Variants in THSD4 observed in about 807,000 individuals in gnomAD.
The protein encoded by THSD4 is thrombospondin type 1 domain containing 4.
THSD4 carries 69 observed loss-of-function variants against 119.0 expected under a neutral mutation model. That is an observed-to-expected ratio of 0.58 (90% CI 0.48 to 0.71). The LOEUF is 0.71. Ranked by LOEUF, THSD4 falls within the 30% of genes least tolerant of loss-of-function variation. THSD4 has a pLI of 0.00. For synonymous variants in THSD4, 524 were observed against 540.4 expected, an observed-to-expected ratio of 0.97 and a Z score of 0.42; for missense variants, 1,393 against 1,391.1, an observed-to-expected ratio of 1.00 and a Z score of -0.02.
At chr15:71,316,476 G>T (rs544600294) in intron 6 of THSD4, among the ~76,000 whole-genome samples, 9 of 152,294 alleles carry the variant, frequency 5.9e-5, no homozygotes, top group Non-Finnish European at 8.8e-5. Context: ...GGTAGGCCAA[G>T]CACAAGTCTA....
At chr15:71,752,116 A>G (rs1282205102) in intron 14 of THSD4, among the ~76,000 whole-genome samples, 2 of 151,990 alleles carry the variant, frequency 1.3e-5, no homozygotes, top group South Asian at 4.2e-4. Flanking sequence ...ATGTCTCTAC[A>G]TTTGCCACTC....
At chr15:71,345,441 C>T (rs527256389) in intron 6 of THSD4, among the ~76,000 whole-genome samples, 4 of 152,158 alleles carry the variant, frequency 2.6e-5, no homozygotes, top group South Asian at 4.2e-4. Context: ...GAGCTGGTGC[C>T]GTCTGAAAGC....
chr15:71,161,486 C>G (rs903104059), intron 3 of THSD4, among the ~76,000 whole-genome samples: 3 of 151,962 alleles, frequency 2.0e-5, no homozygotes, highest in African/African-American at 4.8e-5. Flanking sequence ...AGTGACCCCT[C>G]TTTCACTATA....
intron 3 of THSD4, among the ~76,000 whole-genome samples, chr15:71,180,166 A>AT (rs1332661590): frequency 7.5e-5 from 2 of 26,612 alleles, no homozygotes; most frequent in African/African-American, 8.7e-5. Flanking sequence ...TAAAAAAAAA[A>AT]AAAATAAAAA....
At chr15:71,518,388 A>AG in intron 7 of THSD4, among the ~76,000 whole-genome samples, 1 of 152,304 alleles carries the variant, frequency 6.6e-6, no homozygotes, top group South Asian at 2.1e-4. Flanking sequence ...TCTCAGACAA[A>AG]GGGAGGCATT....
chr15:71,628,288 G>A (rs1285237279), intron 7 of THSD4, among the ~76,000 whole-genome samples: 1 of 152,188 alleles, frequency 6.6e-6, no homozygotes, highest in Non-Finnish European at 1.5e-5. Flanking sequence ...AAAAAGGAAA[G>A]GCTGAGAATG....
chr15:71,592,309 G>T (rs1340300720), intron 7 of THSD4, among the ~76,000 whole-genome samples: 1 of 152,220 alleles, frequency 6.6e-6, no homozygotes, highest in East Asian at 1.9e-4. Context: ...TGAAGCCCAT[G>T]ATGGGCAGGA....
In THSD4 at chr15:71,777,411, C is replaced by A. The variant is rs200730384; in HGVS notation, c.*37C>A. ...CCCCATCAGTAGGGCAGCATCACTG[C>A]CTTCCCGGGGGCTTCAGCAGTGCGC... On this transcript the variant is annotated 3_prime_UTR_variant, in exon 18 of 18. Transcript: ENST00000261862. 1 of 1,595,812 alleles carries A rather than the reference C, an allele frequency of 6.3e-7. No homozygotes were observed. The highest frequency in any genetic ancestry group is 1.1e-5 in the South Asian group (1 of 89,528).
intron 7 of THSD4, among the ~76,000 whole-genome samples, chr15:71,606,242 A>G (rs2050107537): frequency 6.6e-6 from 1 of 152,320 alleles, no homozygotes; most frequent in Non-Finnish European, 1.5e-5. Context: ...TCTTGCGAAG[A>G]GCAAAAGACA....
In THSD4 at chr15:71,215,229, C is replaced by A. The variant is rs565810553; in HGVS notation, c.294C>A (p.Arg98=). Residue 98 remains arginine (R), a synonymous_variant, in exon 4 of 18, where the codon CGC becomes CGA. Coordinates refer to ENST00000261862, the MANE Select transcript of THSD4 (RefSeq NM_024817.3). The part of the protein sequence containing the change: ...RGGQRPGAPA[R]AFADHVVSAV... The stretch of plus-strand genomic sequence containing the variant: ...GCCAGCGGCCTGGCGCCCCTGCGCG[C>A]GCCTTCGCGGACCACGTGGTGTCGG... The A allele has an allele frequency of 2.4e-5, 34 of 1,422,000 alleles. 3 individuals are homozygous for A. In the Admixed American group the frequency reaches 4.7e-4, roughly 20 times the overall value. The allele number at this position is 1,422,000 out of a possible 1,614,324, so 88.1% of individuals were successfully genotyped here. A position where few individuals can be genotyped will look rare whatever the true frequency, so the allele number is the denominator to read the frequency against.
At chr15:71,363,062 T>C (rs1250585928) in intron 6 of THSD4, among the ~76,000 whole-genome samples, 2 of 151,940 alleles carry the variant, frequency 1.3e-5, no homozygotes, top group Non-Finnish European at 2.9e-5. Context: ...AAAGCCATCC[T>C]GGGCTGCATG....
chr15:71,333,113 G>A (rs568167814), intron 6 of THSD4, among the ~76,000 whole-genome samples: 1 of 148,178 alleles, frequency 6.7e-6, no homozygotes, highest in South Asian at 2.1e-4. Context: ...GCTTAGGTGA[G>A]AAGGACATCT....
At chr15:71,368,587 A>G (rs2046000001) in intron 6 of THSD4, among the ~76,000 whole-genome samples, 2 of 152,134 alleles carry the variant, frequency 1.3e-5, no homozygotes, top group Non-Finnish European at 2.9e-5. Context: ...CAAAGATCAG[A>G]TGGTTGTAGG....
At chr15:71,651,662 G>A (rs1328326636) in intron 7 of THSD4, among the ~76,000 whole-genome samples, 1 of 148,812 alleles carries the variant, frequency 6.7e-6, no homozygotes, top group Admixed American at 6.6e-5. Flanking sequence ...TTTTTTTGAT[G>A]TTCCAAAAAA....
intron 7 of THSD4, among the ~76,000 whole-genome samples, chr15:71,482,592 CT>C (rs886558496): frequency 6.7e-5 from 9 of 133,860 alleles, no homozygotes; most frequent in Non-Finnish European, 9.6e-5. Flanking sequence ...GCCCAGCCAA[CT>C]TTTTTTTTTG....
At chr15:71,194,349 C>T (rs1297391473) in intron 3 of THSD4, among the ~76,000 whole-genome samples, 2 of 152,256 alleles carry the variant, frequency 1.3e-5, no homozygotes, top group African/African-American at 4.8e-5. Flanking sequence ...GTAGAAGTTG[C>T]CTCCTCCAGC....
At chr15:71,253,928 A>T (rs908093246) in intron 5 of THSD4, among the ~76,000 whole-genome samples, 3 of 152,194 alleles carry the variant, frequency 2.0e-5, no homozygotes, top group African/African-American at 7.2e-5. Flanking sequence ...TGAAACAGAC[A>T]TTTATGTTGT....
chr15:71,418,482 A>G lies in THSD4; in HGVS notation c.1152+6659A>G, dbSNP rs1319949218. ...TTATCATGAAGGGATGTTGAATTTT[A>G]TCAAATGCTTTTATTGACATCAATT... On this transcript the variant is annotated intron_variant, in intron 7 of 17. Transcript: ENST00000261862. Among the ~76,000 whole-genome samples the G allele has an allele frequency of 1.8e-5, 2 of 109,056 alleles. 1 individual carries two copies. The highest frequency in any genetic ancestry group is 4.1e-5 in the Non-Finnish European group (2 of 49,332). The allele number at this position is 109,056 out of a possible 152,430, so 71.5% of individuals were successfully genotyped here.
chr15:71,539,104 T>C lies in THSD4; in HGVS notation c.1153-121426T>C, dbSNP rs111742724. Among the ~76,000 whole-genome samples the C allele has an allele frequency of 4.7e-3, 717 of 152,362 alleles. 4 individuals carry two copies. The highest frequency in any genetic ancestry group is 0.017 in the African/African-American group (694 of 41,586). Reference sequence around the variant, plus strand: ...CAGTGACTTGCTTTGTTGTAGATTCTCATGATTGTCCTTATCTTTGAAGAG... The same window carrying C: ...CAGTGACTTGCTTTGTTGTAGATTCCCATGATTGTCCTTATCTTTGAAGAG... On this transcript the variant is annotated intron_variant, in intron 7 of 17. Transcript: ENST00000261862.
Sources: gnomAD v4.1 joint callset for allele counts (sites outside exome capture counted in the v4.1 genomes callset) on GRCh38, gnomAD v4.1.1 for gene constraint, MANE v1.5 for transcripts, NCBI Gene and HGNC (gene_info 2026-07-23, HGNC 2026-07-21) for gene names.